Variants in SEC24A observed in about 807,000 individuals in gnomAD.
The protein encoded by SEC24A is protein transport protein Sec24A.
In SEC24A, 93 loss-of-function variants were observed where a neutral mutation model predicts 129.4. The observed-to-expected ratio is 0.72, with a 90% CI of 0.61 to 0.85. The LOEUF (loss-of-function observed/expected upper bound fraction) is 0.85, where lower values mean the gene tolerates loss of function less well. SEC24A is among the 40% of genes least tolerant of loss of function. The pLI is 0.00. For missense variants in SEC24A, 1,264 were observed against 1,307.4 expected (o/e 0.97, Z 0.51); for synonymous variants, 460 against 467.3 (o/e 0.98, Z 0.20).
intron 9 of SEC24A, among the ~76,000 whole-genome samples, chr5:134,684,733 A>G (rs571802066): frequency 6.6e-6 from 1 of 152,110 alleles, no homozygotes; most frequent in Non-Finnish European, 1.5e-5. Context: ...AAAGAAAAAG[A>G]AAACATTTTG....
chr5:134,687,739 A>T (rs1751499423), intron 10 of SEC24A, among the ~76,000 whole-genome samples: 1 of 152,210 alleles, frequency 6.6e-6, no homozygotes, highest in Non-Finnish European at 1.5e-5. Context: ...TTCCCCTTAT[A>T]TAATTGTAGT....
intron 1 of SEC24A, among the ~76,000 whole-genome samples, chr5:134,653,085 A>G (rs1750120904): frequency 6.6e-6 from 1 of 150,566 alleles, no homozygotes; most frequent in South Asian, 2.1e-4. Context: ...GATTACAGTT[A>G]TGAGCCACTG....
At chr5:134,665,581 A>G (rs1245802271) in intron 2 of SEC24A, among the ~76,000 whole-genome samples, 1 of 151,822 alleles carries the variant, frequency 6.6e-6, no homozygotes, top group East Asian at 1.9e-4. Context: ...TTTGAGACAG[A>G]GTCTCGCTCT....
intron 2 of SEC24A, among the ~76,000 whole-genome samples, chr5:134,663,808 G>T (rs958499229): frequency 4.6e-5 from 7 of 151,908 alleles, no homozygotes; most frequent in Non-Finnish European, 7.4e-5. Context: ...TTTGGTGAGA[G>T]AGACATAAAT....
chr5:134,683,117 G>A (rs1006971704), intron 9 of SEC24A, among the ~76,000 whole-genome samples: 1 of 151,066 alleles, frequency 6.6e-6, no homozygotes, highest in Non-Finnish European at 1.5e-5. Context: ...CCGCCTCCCG[G>A]GTTCAAGCAA....
chr5:134,676,214 A>T, intron 7 of SEC24A, 89 bp downstream of exon 7: 1 of 852,016 alleles, frequency 1.2e-6, no homozygotes. Flanking sequence ...GTCTCAGCTT[A>T]TTGCAACCTC....
chr5:134,723,163 A>C (rs948225133), intron 21 of SEC24A, among the ~76,000 whole-genome samples: 2 of 151,814 alleles, frequency 1.3e-5, no homozygotes, highest in Admixed American at 6.6e-5. Flanking sequence ...GTCTCAAAAA[A>C]TAAGTTAAAT....
intron 2 of SEC24A, among the ~76,000 whole-genome samples, chr5:134,662,031 A>G (rs950300493): frequency 6.6e-6 from 1 of 151,906 alleles, no homozygotes; most frequent in African/African-American, 2.4e-5. Context: ...GGGTTTCACC[A>G]TATTGGCCAG....
At chr5:134,654,173 T>A (rs1359185926) in intron 1 of SEC24A, among the ~76,000 whole-genome samples, 2 of 150,088 alleles carry the variant, frequency 1.3e-5, no homozygotes, top group East Asian at 2.0e-4. Context: ...ATAAATAAAT[T>A]AATAAAAAAC....
At chr5:134,687,706 C>G (rs1315321932) in intron 10 of SEC24A, among the ~76,000 whole-genome samples, 1 of 152,198 alleles carries the variant, frequency 6.6e-6, no homozygotes, top group Non-Finnish European at 1.5e-5. Context: ...CATGCATGAA[C>G]AAGAGTGAAA....
intron 15 of SEC24A, 46 bp from the exon 16 acceptor site, chr5:134,703,713 G>C: frequency 8.1e-7 from 1 of 1,230,346 alleles, no homozygotes; most frequent in Non-Finnish European, 1.2e-6. Context: ...GTAAATATCA[G>C]TATGTAGGTA....
Position 134,666,968 on chromosome 5 carries a change from C to A in SEC24A, c.711C>A (p.Pro237=). 1.9e-6 allele frequency: 3 copies of A among 1,582,288 alleles called. No homozygotes were observed. The South Asian group carries it at 3.5e-5, about 18-fold the overall frequency. ...LTSSYRDVPQ[P]LFNSAVNQEG... is the part of the protein sequence containing the mutation. ...CATCATATAGAGATGTACCCCAGCC[C>A]TTATTTAATTCAGCTGTCAACCAAG... The change falls in exon 3 of 23, where the codon CCC becomes CCA. Residue 237 remains proline (P), a synonymous_variant. Transcript: ENST00000398844.
chr5:134,701,257 T>C (rs903155098), intron 15 of SEC24A: 1 of 152,306 alleles, frequency 6.6e-6, no homozygotes, highest in Non-Finnish European at 1.5e-5. Flanking sequence ...AATTTTAGTA[T>C]ACATGCTGTC....
chr5:134,679,713 TATC>T lies in SEC24A; in HGVS notation c.1367_1369del (p.Tyr456_Arg457delinsTer). 1.3e-6 allele frequency: 2 copies of T among 1,593,098 alleles called. No homozygotes were observed. The highest frequency in any genetic ancestry group is 1.7e-6 in the Non-Finnish European group (2 of 1,166,190). ...AAGGAGATGGAAGTGTAACTTATGT[TATC>T]GAGTCAATGATGGTATGGGATGCTT... On this transcript the variant is annotated stop_gained and inframe_deletion, in exon 8 of 23. Coordinates refer to ENST00000398844, the MANE Select transcript of SEC24A (RefSeq NM_021982.3). LOFTEE classifies it high-confidence loss of function.
intron 18 of SEC24A, among the ~76,000 whole-genome samples, chr5:134,711,870 C>G (rs1752336567): frequency 6.6e-6 from 1 of 152,038 alleles, no homozygotes; most frequent in African/African-American, 2.4e-5. Flanking sequence ...GCCTCAGCCT[C>G]CCAAGTAGCT....
intron 2 of SEC24A, among the ~76,000 whole-genome samples, chr5:134,664,797 T>TC (rs1325932063): frequency 1.2e-4 from 15 of 123,666 alleles, no homozygotes; most frequent in African/African-American, 2.8e-4. Context: ...TTTTTCTTTT[T>TC]TTTTTTTTTT....
At chr5:134,653,731 G>A (rs369350017) in intron 1 of SEC24A, among the ~76,000 whole-genome samples, 3 of 152,058 alleles carry the variant, frequency 2.0e-5, no homozygotes, top group South Asian at 2.1e-4. Flanking sequence ...GGCATGGTGC[G>A]GGCCCAGTAG....
intron 15 of SEC24A, among the ~76,000 whole-genome samples, chr5:134,700,022 T>A (rs1310536087): frequency 6.6e-6 from 1 of 151,746 alleles, no homozygotes; most frequent in African/African-American, 2.4e-5. Context: ...TTTTAGTTTT[T>A]CATTTCTCCA....
At chr5:134,721,332 G>C (rs1752620906) in intron 21 of SEC24A, among the ~76,000 whole-genome samples, 5 of 151,152 alleles carry the variant, frequency 3.3e-5, no homozygotes, top group Admixed American at 2.6e-4. Flanking sequence ...TGGGAGGCCA[G>C]GGCGGGCTGA....
Sources: gnomAD v4.1 joint callset for allele counts (sites outside exome capture counted in the v4.1 genomes callset) on GRCh38, gnomAD v4.1.1 for gene constraint, MANE v1.5 for transcripts, NCBI Gene and HGNC (gene_info 2026-07-23, HGNC 2026-07-21) for gene names.